Variants in FSTL5 observed in about 807,000 individuals in gnomAD.
FSTL5 encodes follistatin-related protein 5.
In FSTL5, 62 loss-of-function variants were observed where a neutral mutation model predicts 89.1. That is an observed-to-expected ratio of 0.70 (90% CI 0.57 to 0.86). The LOEUF (loss-of-function observed/expected upper bound fraction) is 0.86, where lower values mean the gene tolerates loss of function less well. FSTL5 is among the 40% of genes least tolerant of loss of function. The pLI is 0.00. For synonymous variants in FSTL5, 383 were observed against 346.2 expected (o/e 1.11, Z -1.18); for missense variants, 1,057 against 1,001.6 (o/e 1.06, Z -0.75).
intron 4 of FSTL5, among the ~76,000 whole-genome samples, chr4:161,905,566 G>T (rs767832073): frequency 6.6e-5 from 10 of 152,112 alleles, no homozygotes; most frequent in Non-Finnish European, 1.2e-4. Flanking sequence ...CAAAATACTG[G>T]TTTTTTTCTG....
chr4:161,399,974 C>T (rs894548118), intron 15 of FSTL5, among the ~76,000 whole-genome samples: 5 of 152,006 alleles, frequency 3.3e-5, no homozygotes, highest in African/African-American at 1.2e-4. Flanking sequence ...TAAATGTTAA[C>T]TTCTTATAAT....
chr4:161,641,291 C>T (rs9637653), intron 7 of FSTL5, among the ~76,000 whole-genome samples: 28,721 of 152,090 alleles, frequency 0.19, 3,345 homozygotes, highest in Non-Finnish European at 0.24. Context: ...ATTATCATAA[C>T]TTTGGTTTGT....
At chr4:162,021,832 C>T (rs1374802088) in intron 3 of FSTL5, among the ~76,000 whole-genome samples, 4 of 150,064 alleles carry the variant, frequency 2.7e-5, no homozygotes, top group Non-Finnish European at 4.4e-5. Context: ...ATGGCTCACA[C>T]CTGTAATCCC....
intron 4 of FSTL5, among the ~76,000 whole-genome samples, chr4:161,791,972 A>C (rs942070584): frequency 3.9e-5 from 6 of 152,180 alleles, no homozygotes; most frequent in Non-Finnish European, 8.8e-5. Flanking sequence ...GGGCCCTTCC[A>C]AGATGGCCGG....
At chr4:161,951,277 T>C (rs1306669727) in intron 3 of FSTL5, among the ~76,000 whole-genome samples, 1 of 152,110 alleles carries the variant, frequency 6.6e-6, no homozygotes. Context: ...TATTAGCGTG[T>C]AAGAACAGAC....
intron 6 of FSTL5, among the ~76,000 whole-genome samples, chr4:161,729,286 A>C (rs1480513674): frequency 6.6e-6 from 1 of 152,190 alleles, no homozygotes; most frequent in Non-Finnish European, 1.5e-5. Flanking sequence ...CACAACCTTC[A>C]TTATTAGAAC....
intron 15 of FSTL5, chr4:161,388,459 T>C (rs1036917367): frequency 6.6e-6 from 1 of 152,084 alleles, no homozygotes; most frequent in Admixed American, 6.6e-5. Flanking sequence ...CTGAGTCCCA[T>C]ATTTCTGTGT....
chr4:161,591,000 A>G (rs1167927711), intron 7 of FSTL5, among the ~76,000 whole-genome samples: 2 of 152,218 alleles, frequency 1.3e-5, no homozygotes, highest in Non-Finnish European at 2.9e-5. Flanking sequence ...TATTAGTCAT[A>G]AAAGGCAAAA....
intron 4 of FSTL5, among the ~76,000 whole-genome samples, chr4:161,894,480 C>T (rs10003227): frequency 0.95 from 144,452 of 152,170 alleles, 68,934 homozygotes; most frequent in Non-Finnish European, 1. Context: ...CTATATATAT[C>T]TTTTTTCTTT....
chr4:161,466,846 A>C (rs1316370062), intron 13 of FSTL5, among the ~76,000 whole-genome samples: 1 of 152,166 alleles, frequency 6.6e-6, no homozygotes, highest in Non-Finnish European at 1.5e-5. Context: ...CAAATACACC[A>C]ATGATCTCCT....
Position 161,621,306 on chromosome 4 carries a change from A to AC in FSTL5, c.895-33732_895-33731insG, listed in dbSNP as rs70937668. 5.8e-3 allele frequency among the ~76,000 whole-genome samples: 828 copies of AC among 143,698 alleles called. 9 individuals are homozygous for AC. The highest frequency in any genetic ancestry group is 0.02 in the African/African-American group (803 of 40,262). The allele number at this position is 143,698 out of a possible 152,430, so 94.3% of individuals were successfully genotyped here. On this transcript the variant is annotated intron_variant, in intron 7 of 15. Coordinates refer to ENST00000306100, the MANE Select transcript of FSTL5 (RefSeq NM_020116.5). ...CACACACACACACACACACACACAC[A>AC]AACACAAAATTTGGCCAAAGAAGAA... is the stretch of plus-strand genomic sequence containing the variant.
Position 161,384,117 on chromosome 4 carries a change from T to A in FSTL5, c.*1630A>T, listed in dbSNP as rs1360165763. On this transcript the variant is annotated 3_prime_UTR_variant, in exon 16 of 16. Coordinates refer to ENST00000306100, the MANE Select transcript of FSTL5 (RefSeq NM_020116.5). ...AAGCTGATTTTTGTTGTTTATTAAA[T>A]CTACCTCGCATGTTTCTGCTAAGAA... 1 of 152,186 alleles carries A rather than the reference T, an allele frequency of 6.6e-6. No individual in the cohort carries two copies. The highest frequency in any genetic ancestry group is 1.5e-5 in the Non-Finnish European group (1 of 68,020). The allele number at this position is 152,186 out of a possible 1,614,324, so 9.4% of individuals were successfully genotyped here.
intron 2 of FSTL5, among the ~76,000 whole-genome samples, chr4:162,077,528 C>G (rs1354660819): frequency 2.0e-5 from 3 of 151,778 alleles, no homozygotes; most frequent in Non-Finnish European, 2.9e-5. Flanking sequence ...AGTGTCAGAT[C>G]CAGCATAGCC....
intron 3 of FSTL5, among the ~76,000 whole-genome samples, chr4:161,931,706 T>C (rs1415569579): frequency 6.6e-6 from 1 of 151,962 alleles, no homozygotes. Context: ...GGATGCCAGA[T>C]TTGAGCCTTA....
At chr4:162,096,314 C>A (rs940895691) in intron 2 of FSTL5, among the ~76,000 whole-genome samples, 1 of 151,694 alleles carries the variant, frequency 6.6e-6, no homozygotes, top group Admixed American at 6.6e-5. Flanking sequence ...ATCCTAAGAC[C>A]AATCATCCAA....
Position 162,000,553 on chromosome 4 carries a change from G to A in FSTL5, c.160+33072C>T, listed in dbSNP as rs578104614. 2.6e-3 allele frequency among the ~76,000 whole-genome samples: 388 copies of A among 151,022 alleles called. 2 individuals are homozygous for A. Among genetic ancestry groups the A allele is most frequent in the African/African-American group, 8.9e-3 (365 of 41,126 alleles). On this transcript the variant is annotated intron_variant, in intron 3 of 15. Transcript: ENST00000306100. Reference sequence around the variant, plus strand: ...GTGGAGGTTGCAGTGAGCCGAGATCGCCCCACGATACTCCAGCCTGGGTGA... The same window carrying A: ...GTGGAGGTTGCAGTGAGCCGAGATCACCCCACGATACTCCAGCCTGGGTGA...
In FSTL5 at chr4:161,921,201, G is replaced by A. The variant is rs190881956; in HGVS notation, c.161-549C>T. 1.7e-3 allele frequency among the ~76,000 whole-genome samples: 260 copies of A among 152,266 alleles called. 1 individual carries two copies. Among genetic ancestry groups the A allele is most frequent in the African/African-American group, 5.8e-3 (243 of 41,566 alleles). On this transcript the variant is annotated intron_variant, in intron 3 of 15. Coordinates refer to ENST00000306100, the MANE Select transcript of FSTL5 (RefSeq NM_020116.5). Reference sequence around the variant, plus strand: ...CAAGGCAGAAAATGTTAAGAAGACAGGAGTGGAAAATAACTGTCTCTTGAA... The same window carrying A: ...CAAGGCAGAAAATGTTAAGAAGACAAGAGTGGAAAATAACTGTCTCTTGAA...
chr4:161,505,664 C>A (rs1352547937), intron 11 of FSTL5, among the ~76,000 whole-genome samples: 2 of 152,096 alleles, frequency 1.3e-5, no homozygotes, highest in East Asian at 3.9e-4. Context: ...TGGTTGAAAT[C>A]ATACATAATT....
intron 4 of FSTL5, among the ~76,000 whole-genome samples, chr4:161,887,557 T>C (rs1732853740): frequency 6.6e-6 from 1 of 152,142 alleles, no homozygotes; most frequent in South Asian, 2.1e-4. Flanking sequence ...AGACATTTTA[T>C]CTTTTGCTAC....
Sources: allele counts gnomAD v4.1 joint callset (sites outside exome capture counted in the v4.1 genomes callset), GRCh38; gene constraint gnomAD v4.1.1; transcripts MANE v1.5; gene names NCBI Gene and HGNC (gene_info 2026-07-23, HGNC 2026-07-21).